The following SNX29 variants were observed in gnomAD, a reference collection of about 807,000 sequenced individuals.
SNX29 encodes sorting nexin 29, also known as sorting nexin-29.
In SNX29, 78 loss-of-function variants were observed where a neutral mutation model predicts 102.1. That is an observed-to-expected ratio of 0.76 (90% CI 0.64 to 0.92). The LOEUF is 0.92. Ranked by LOEUF, SNX29 falls within the 40% of genes least tolerant of loss-of-function variation. The pLI, the probability that SNX29 is intolerant of heterozygous loss-of-function variation, is 0.00. For missense variants in SNX29, 1,280 were observed against 1,061.7 expected (o/e 1.21, Z -2.86); for synonymous variants, 580 against 414.5 (o/e 1.40, Z -4.85).
chr16:12,384,451 C>T (rs1197900318), intron 16 of SNX29, among the ~76,000 whole-genome samples: 1 of 152,160 alleles, frequency 6.6e-6, no homozygotes, highest in Non-Finnish European at 1.5e-5. Context: ...TAGTTTTGAT[C>T]TGCGTTTCTG....
chr16:12,461,730 G>A (rs1318075024), intron 18 of SNX29, among the ~76,000 whole-genome samples: 1 of 151,678 alleles, frequency 6.6e-6, no homozygotes, highest in Non-Finnish European at 1.5e-5. Flanking sequence ...GCTAAGGCGA[G>A]CAGATCACTT....
chr16:12,371,103 G>A (rs910804689), intron 16 of SNX29, among the ~76,000 whole-genome samples: 3 of 152,232 alleles, frequency 2.0e-5, no homozygotes, highest in Non-Finnish European at 4.4e-5. Context: ...CCAGATATTC[G>A]AAAATGGAGG....
At chr16:12,267,711 A>T (rs917079315) in intron 14 of SNX29, among the ~76,000 whole-genome samples, 1 of 152,148 alleles carries the variant, frequency 6.6e-6, no homozygotes, top group African/African-American at 2.4e-5. Flanking sequence ...ATTCCTCGCA[A>T]TGGAACGGCA....
At chr16:12,505,218 G>T (rs1194575801) in intron 19 of SNX29, among the ~76,000 whole-genome samples, 1 of 152,234 alleles carries the variant, frequency 6.6e-6, no homozygotes, top group Non-Finnish European at 1.5e-5. Context: ...GCCAGGTCAT[G>T]TGGTGTCTTA....
chr16:12,021,662 C>T (rs1361052213), intron 3 of SNX29, among the ~76,000 whole-genome samples: 1 of 151,784 alleles, frequency 6.6e-6, no homozygotes, highest in African/African-American at 2.4e-5. Flanking sequence ...CCAAGGTAGG[C>T]GGATCACTTG....
chr16:12,510,303 A>G (rs2089556507), intron 19 of SNX29, among the ~76,000 whole-genome samples: 1 of 152,224 alleles, frequency 6.6e-6, no homozygotes. Flanking sequence ...AGATGGATAC[A>G]GGGATGAGGT....
At chr16:12,448,422 G>C (rs2086159412) in intron 18 of SNX29, among the ~76,000 whole-genome samples, 1 of 151,288 alleles carries the variant, frequency 6.6e-6, no homozygotes, top group Non-Finnish European at 1.5e-5. Flanking sequence ...TGGTGAACAT[G>C]TTTTTCATAA....
chr16:12,385,844 C>T (rs1464491696), intron 16 of SNX29, among the ~76,000 whole-genome samples: 6 of 152,212 alleles, frequency 3.9e-5, no homozygotes, highest in African/African-American at 1.4e-4. Flanking sequence ...GAAAACGGGG[C>T]GGCAAGATGG....
At position 12,424,950 on chromosome 16, in the gene SNX29, A is replaced by G. The variant is rs192015995; in HGVS notation, c.2037+21421A>G. Among the ~76,000 whole-genome samples the G allele has an allele frequency of 9.8e-5, 15 of 152,342 alleles. No homozygotes were observed. The East Asian group carries it at 2.5e-3, about 25-fold the overall frequency. ...ACCCTAACATGCCCGTCCATAGACAAATGGATAAATAAATTGGGGTACATT... is the reference window on the plus strand; with the variant it reads ...ACCCTAACATGCCCGTCCATAGACAGATGGATAAATAAATTGGGGTACATT... On this transcript the variant is annotated intron_variant, in intron 18 of 20. Coordinates refer to ENST00000566228, the MANE Select transcript of SNX29 (RefSeq NM_032167.5).
rs946999695 is a variant in SNX29 at position 12,571,364 on chromosome 16, T to G, written c.*2735T>G. On this transcript the variant is annotated 3_prime_UTR_variant, in exon 21 of 21. Transcript: ENST00000566228. Reference sequence around the variant, plus strand: ...GAGGGCTAAGCCACGACCTTATCCATGAGTGGCGAAGACACCCCTGAGGAA... The same window carrying G: ...GAGGGCTAAGCCACGACCTTATCCAGGAGTGGCGAAGACACCCCTGAGGAA... 4.3e-6 allele frequency: 1 copy of G among 231,176 alleles called. No individual in the cohort carries two copies. The highest frequency in any genetic ancestry group is 8.6e-6 in the Non-Finnish European group (1 of 116,940). 14.3% of individuals were successfully genotyped at this position (231,176 alleles called of 1,614,324 possible). A position where few individuals can be genotyped will look rare whatever the true frequency, so the allele number is the denominator to read the frequency against.
At chr16:12,516,991 T>A (rs547500246) in intron 19 of SNX29, among the ~76,000 whole-genome samples, 35 of 152,336 alleles carry the variant, frequency 2.3e-4, no homozygotes, top group African/African-American at 8.4e-4. Flanking sequence ...AAAATTAACC[T>A]TTTCTGGAGG....
At chr16:12,230,308 A>G (rs560569011) in intron 14 of SNX29, among the ~76,000 whole-genome samples, 12 of 152,386 alleles carry the variant, frequency 7.9e-5, no homozygotes, top group Admixed American at 2.0e-4. Flanking sequence ...GAGTCAAGCC[A>G]TGATTTATCA....
intron 1 of SNX29, among the ~76,000 whole-genome samples, chr16:11,998,935 C>T (rs2056187139): frequency 6.6e-6 from 1 of 152,144 alleles, no homozygotes; most frequent in Non-Finnish European, 1.5e-5. Flanking sequence ...AGTTTTGATT[C>T]CCAGGGGACA....
intron 1 of SNX29, among the ~76,000 whole-genome samples, chr16:11,998,586 G>C (rs989031356): frequency 6.6e-6 from 1 of 152,172 alleles, no homozygotes; most frequent in Non-Finnish European, 1.5e-5. Flanking sequence ...TCATGACTTC[G>C]TGGTGGCAAA....
intron 5 of SNX29, among the ~76,000 whole-genome samples, chr16:12,045,799 AT>A (rs2050063973): frequency 6.6e-6 from 1 of 151,558 alleles, no homozygotes; most frequent in Non-Finnish European, 1.5e-5. Context: ...AATTTTTTAT[AT>A]TTTTAGTAGA....
chr16:12,473,980 A>G (rs779646160), intron 18 of SNX29, among the ~76,000 whole-genome samples: 2 of 152,144 alleles, frequency 1.3e-5, no homozygotes, highest in African/African-American at 2.4e-5. Flanking sequence ...TTACTTTCCT[A>G]ATCAACTTGC....
intron 8 of SNX29, among the ~76,000 whole-genome samples, chr16:12,055,592 C>T (rs2050486567): frequency 6.6e-6 from 1 of 152,066 alleles, no homozygotes; most frequent in South Asian, 2.1e-4. Context: ...GTCCAAAATC[C>T]ACAGGTTAGG....
intron 13 of SNX29, among the ~76,000 whole-genome samples, chr16:12,148,010 G>T (rs78415362): frequency 6.6e-6 from 1 of 152,200 alleles, no homozygotes; most frequent in East Asian, 1.9e-4. Flanking sequence ...GAGCAAACCA[G>T]AGTTCGCTGA....
chr16:12,542,669 G>T (rs1209240517), intron 20 of SNX29, among the ~76,000 whole-genome samples: 2 of 152,110 alleles, frequency 1.3e-5, no homozygotes, highest in South Asian at 2.1e-4. Flanking sequence ...AAGGCAGCGT[G>T]TTGGGAACAT....
Sources: allele counts gnomAD v4.1 joint callset (sites outside exome capture counted in the v4.1 genomes callset), GRCh38; gene constraint gnomAD v4.1.1; transcripts MANE v1.5; gene names NCBI Gene and HGNC (gene_info 2026-07-23, HGNC 2026-07-21).